The following SFXN1 variants were observed in gnomAD, a reference collection of about 807,000 sequenced individuals.
The protein encoded by SFXN1 is sideroflexin 1.
SFXN1 carries 32 observed loss-of-function variants against 39.5 expected under a neutral mutation model. The observed-to-expected ratio is 0.81, with a 90% CI of 0.61 to 1.09. SFXN1 has a LOEUF of 1.09. Ranked by LOEUF, SFXN1 falls within the 50% of genes least tolerant of loss-of-function variation. The pLI is 0.00. For synonymous variants in SFXN1, 136 were observed against 146.5 expected (o/e 0.93, Z 0.52); for missense variants, 402 against 407.1 (o/e 0.99, Z 0.11).
chr5:175,510,003 C>T (rs1760454953), intron 3 of SFXN1, 106 bp from the exon 4 acceptor site: 2 of 853,148 alleles, frequency 2.3e-6, no homozygotes, highest in East Asian at 5.3e-5. Flanking sequence ...TGGCTTTCTC[C>T]CTTCCCCAGT....
chr5:175,526,114 A>G lies in SFXN1; in HGVS notation c.873-524A>G, dbSNP rs545075848. 2.0e-5 allele frequency: 3 copies of G among 148,802 alleles called. No homozygotes were observed. In the South Asian group the frequency reaches 6.6e-4, roughly 33 times the overall value. The allele number at this position is 148,802 out of a possible 1,614,324, so 9.2% of individuals were successfully genotyped here. ...AGTGGTTATCTCTCAGCGGGATTAT[A>G]AATGTTTTGGTTTTTTTTTTTTTTT... On this transcript the variant is annotated intron_variant, in intron 10 of 10. Transcript: ENST00000321442.
intron 8 of SFXN1, among the ~76,000 whole-genome samples, chr5:175,517,883 G>A (rs889575224): frequency 3.9e-5 from 6 of 152,088 alleles, no homozygotes; most frequent in Admixed American, 6.5e-5. Context: ...CTGCCCCAGG[G>A]CCAGGTGTGC....
rs201574911 is a variant in SFXN1 at position 175,517,955 on chromosome 5, A to T, written c.774+1292A>T. Among the ~76,000 whole-genome samples the T allele has an allele frequency of 1.5e-4, 23 of 152,234 alleles. No homozygotes were observed. The East Asian group carries it at 2.7e-3, about 18-fold the overall frequency. On this transcript the variant is annotated intron_variant, in intron 8 of 10. Coordinates refer to ENST00000321442, the MANE Select transcript of SFXN1 (RefSeq NM_022754.7). ...TTAGAAATGACCAGACTCCTCCGCA[A>T]ACATGAAACTAATTGAACATTCTGG...
At chr5:175,512,769 G>A (rs181581137) in intron 6 of SFXN1, among the ~76,000 whole-genome samples, 4 of 152,168 alleles carry the variant, frequency 2.6e-5, no homozygotes, top group Non-Finnish European at 4.4e-5. Flanking sequence ...GGCCATGTGC[G>A]AGTGACTGTT....
intron 2 of SFXN1, among the ~76,000 whole-genome samples, chr5:175,503,915 A>C (rs1760184945): frequency 6.9e-6 from 1 of 145,732 alleles, no homozygotes; most frequent in Non-Finnish European, 1.5e-5. Context: ...GAGGCAGGAG[A>C]ATTGCTTGAA....
chr5:175,527,047 G>C lies in SFXN1; in HGVS notation c.*313G>C, dbSNP rs1581338198. On this transcript the variant is annotated 3_prime_UTR_variant, in exon 11 of 11. Transcript: ENST00000321442. The stretch of plus-strand genomic sequence containing the variant: ...AAAAAGCACTGGTAGGCATAGAATA[G>C]GTGCTCAGTATATGGTCAGTAAATG... 3.0e-6 allele frequency: 1 copy of C among 337,028 alleles called. No individual in the cohort carries two copies. Among genetic ancestry groups the C allele is most frequent in the East Asian group, 5.7e-5 (1 of 17,430 alleles). The allele number at this position is 337,028 out of a possible 1,614,324, so 20.9% of individuals were successfully genotyped here. A position where few individuals can be genotyped will look rare whatever the true frequency, so the allele number is the denominator to read the frequency against.
At chr5:175,486,645 GCAGA>G (rs1190965781) in intron 1 of SFXN1, among the ~76,000 whole-genome samples, 1 of 152,088 alleles carries the variant, frequency 6.6e-6, no homozygotes. Context: ...GGACATGGTG[GCAGA>G]CGCCTGTAGT....
At chr5:175,499,349 A>G (rs1169535633) in intron 2 of SFXN1, among the ~76,000 whole-genome samples, 1 of 152,182 alleles carries the variant, frequency 6.6e-6, no homozygotes, top group East Asian at 1.9e-4. Context: ...AGCTACAAGT[A>G]CCCTGATGCA....
intron 1 of SFXN1, chr5:175,484,009 G>C (rs1283354224): frequency 6.6e-6 from 1 of 152,216 alleles, no homozygotes; most frequent in Non-Finnish European, 1.5e-5. Flanking sequence ...GATCCTTGCC[G>C]CATCTGCAGT....
chr5:175,487,902 G>C (rs1759508786), intron 1 of SFXN1, among the ~76,000 whole-genome samples: 1 of 152,130 alleles, frequency 6.6e-6, no homozygotes, highest in East Asian at 1.9e-4. Context: ...CCACATCTAA[G>C]ATGTCAAGAA....
chr5:175,507,937 C>G (rs887590443), intron 2 of SFXN1, among the ~76,000 whole-genome samples: 1 of 149,604 alleles, frequency 6.7e-6, no homozygotes, highest in African/African-American at 2.5e-5. Context: ...CATGCCATTG[C>G]ACTCCAGCCT....
rs147939365 is a variant in SFXN1 at position 175,509,315 on chromosome 5, GACAA to G, written c.335+118_335+121del. The G allele has an allele frequency of 2.9e-3, 2,995 of 1,023,180 alleles. 46 individuals carry two copies. In the African/African-American group the frequency reaches 0.044, roughly 15 times the overall value. 63.4% of individuals were successfully genotyped at this position (1,023,180 alleles called of 1,614,324 possible). ...GTATTATTTCATAAGTATATGAAGT[GACAA>G]ACAAGGTAATTAGCTTGATTGAATC... On this transcript the variant is annotated intron_variant, in intron 3 of 10. Coordinates refer to ENST00000321442, the MANE Select transcript of SFXN1 (RefSeq NM_022754.7).
At chr5:175,492,531 C>T (rs1052664885) in intron 2 of SFXN1, 1 of 282,790 alleles carries the variant, frequency 3.5e-6, no homozygotes, top group Non-Finnish European at 6.5e-6. Context: ...TTTCTCCTGG[C>T]AGCTTGCCTT....
chr5:175,508,508 T>G (rs1402670752), intron 2 of SFXN1, among the ~76,000 whole-genome samples: 1 of 152,160 alleles, frequency 6.6e-6, no homozygotes, highest in African/African-American at 2.4e-5. Context: ...GTGCTGAGAT[T>G]ACAGGCATAA....
At chr5:175,505,742 TA>T (rs1186541783) in intron 2 of SFXN1, among the ~76,000 whole-genome samples, 2 of 152,100 alleles carry the variant, frequency 1.3e-5, no homozygotes, top group African/African-American at 2.4e-5. Flanking sequence ...ATAGAAAGTC[TA>T]GAAATCAAGG....
rs556376664 is a variant in SFXN1, at chr5:175,502,322, G to C, written c.165-6710G>C. Among the ~76,000 whole-genome samples, 113 of 152,272 alleles carry C rather than the reference G, an allele frequency of 7.4e-4. 1 individual carries two copies. The highest frequency in any genetic ancestry group is 2.6e-3 in the African/African-American group (108 of 41,550). On this transcript the variant is annotated intron_variant, in intron 2 of 10. Coordinates refer to ENST00000321442, the MANE Select transcript of SFXN1 (RefSeq NM_022754.7). ...CCTGTAAAGACAGACTGGACCCCAG[G>C]CAAGAAGGGGGTCTTGGGGGGTGTT...
chr5:175,524,864 A>G (rs988019566), intron 10 of SFXN1, among the ~76,000 whole-genome samples: 2 of 152,224 alleles, frequency 1.3e-5, no homozygotes, highest in Admixed American at 1.3e-4. Context: ...GTGATTAAAA[A>G]TAATACCAAC....
chr5:175,491,425 G>GA (rs1164994360), intron 1 of SFXN1: 2 of 151,530 alleles, frequency 1.3e-5, no homozygotes, highest in African/African-American at 4.8e-5. Context: ...GTTTCACTCA[G>GA]AAAAATGGGT....
rs1170670948 is a variant in SFXN1 at position 175,528,082 on chromosome 5, G to C, written c.*1348G>C. 1 of 151,928 alleles carries C rather than the reference G, an allele frequency of 6.6e-6. No individual in the cohort carries two copies. The highest frequency in any genetic ancestry group is 1.5e-5 in the Non-Finnish European group (1 of 68,040). The allele number at this position is 151,928 out of a possible 1,614,324, so 9.4% of individuals were successfully genotyped here. The stretch of plus-strand genomic sequence containing the variant: ...ACTACAGGCGCCCGCCACCACGCCC[G>C]GCTAATTTTTTTGTATTTTTAGTAG... On this transcript the variant is annotated 3_prime_UTR_variant, in exon 11 of 11. Coordinates refer to ENST00000321442, the MANE Select transcript of SFXN1 (RefSeq NM_022754.7).
Sources: allele counts gnomAD v4.1 joint callset (sites outside exome capture counted in the v4.1 genomes callset), GRCh38; gene constraint gnomAD v4.1.1; transcripts MANE v1.5; gene names NCBI Gene and HGNC (gene_info 2026-07-23, HGNC 2026-07-21).